Variants in SEC24D observed in about 807,000 individuals in gnomAD.
SEC24D encodes the protein SEC24 homolog D, COPII component, also known as protein transport protein Sec24D.
A neutral mutation model predicts 116.9 loss-of-function variants in SEC24D; 69 were observed. The ratio of observed to expected loss-of-function variants is 0.59; its 90% CI spans 0.49 to 0.72. SEC24D has a LOEUF of 0.72. Among genes scored for constraint, SEC24D ranks in the 30% least tolerant of loss-of-function variants. The pLI, the probability that SEC24D is intolerant of heterozygous loss-of-function variation, is 0.00. For synonymous variants in SEC24D, 405 were observed against 442.8 expected, an observed-to-expected ratio of 0.91 and a Z score of 1.07; for missense variants, 1,131 against 1,264.1, an observed-to-expected ratio of 0.89 and a Z score of 1.60.
Position 118,757,780 on chromosome 4 carries a change from C to A in SEC24D, c.1362G>T (p.Lys454Asn), listed in dbSNP as rs2110463093. 2.5e-6 allele frequency: 4 copies of A among 1,612,168 alleles called. No individual in the cohort carries two copies. The highest frequency in any genetic ancestry group is 3.4e-6 in the Non-Finnish European group (4 of 1,179,100). Reference protein sequence around the residue: ...FMIDVSYSNIKNGLVKLICEE... With the variant: ...FMIDVSYSNINNGLVKLICEE... ...CACATATGAGCTTGACAAGTCCATT[C>A]TTTATGTTACTATATGAAACATCAA... The change falls in exon 11 of 23, where the codon AAG becomes AAT. Residue 454 changes from lysine (K) to asparagine (N), a missense_variant. Physicochemically the swap from Lys to Asn is moderately conservative, Grantham distance 94. Coordinates refer to ENST00000280551, the MANE Select transcript of SEC24D (RefSeq NM_014822.4).
At chr4:118,781,279 C>A (rs141494388) in intron 8 of SEC24D, among the ~76,000 whole-genome samples, 2 of 152,016 alleles carry the variant, frequency 1.3e-5, no homozygotes, top group Non-Finnish European at 2.9e-5. Flanking sequence ...TTAGGGCAGG[C>A]CTGGTGGTGA....
chr4:118,810,614 T>C (rs575777564), intron 6 of SEC24D, among the ~76,000 whole-genome samples: 22 of 152,238 alleles, frequency 1.4e-4, no homozygotes, highest in Non-Finnish European at 2.8e-4. Flanking sequence ...GAAGAGCTTG[T>C]TGAAACACAG....
chr4:118,796,466 C>T (rs1480825660), intron 8 of SEC24D, among the ~76,000 whole-genome samples: 1 of 152,210 alleles, frequency 6.6e-6, no homozygotes, highest in Non-Finnish European at 1.5e-5. Context: ...AGTTTGGCTT[C>T]TAACAACAGT....
At chr4:118,809,527 G>A (rs1184456601) in intron 6 of SEC24D, among the ~76,000 whole-genome samples, 2 of 152,030 alleles carry the variant, frequency 1.3e-5, no homozygotes, top group Admixed American at 6.6e-5. Context: ...ATACAAACAG[G>A]CTCCATCTGA....
At chr4:118,761,409 A>AT (rs1360694944) in intron 10 of SEC24D, among the ~76,000 whole-genome samples, 2 of 152,222 alleles carry the variant, frequency 1.3e-5, no homozygotes, top group African/African-American at 4.8e-5. Context: ...ACAAACATGT[A>AT]TAAAAACCTA....
At chr4:118,831,147 A>G (rs1445451015) in intron 2 of SEC24D, among the ~76,000 whole-genome samples, 2 of 152,018 alleles carry the variant, frequency 1.3e-5, no homozygotes, top group Non-Finnish European at 2.9e-5. Context: ...TTAGCCTCCC[A>G]AATAGCTGAG....
At chr4:118,771,805 G>A (rs1449621358) in intron 8 of SEC24D, among the ~76,000 whole-genome samples, 1 of 152,024 alleles carries the variant, frequency 6.6e-6, no homozygotes, top group Non-Finnish European at 1.5e-5. Flanking sequence ...TCCGAGTATT[G>A]CTGCCATTCT....
chr4:118,764,978 A>G, intron 9 of SEC24D, 61 bp from the exon 10 acceptor site: 1 of 931,234 alleles, frequency 1.1e-6, no homozygotes, highest in Non-Finnish European at 1.7e-6. Flanking sequence ...CAATTTAGTA[A>G]GTTCTCAAAA....
At chr4:118,793,353 G>A (rs1729025274) in intron 8 of SEC24D, among the ~76,000 whole-genome samples, 1 of 150,108 alleles carries the variant, frequency 6.7e-6, no homozygotes, top group African/African-American at 2.4e-5. Context: ...TGTAGTCCCA[G>A]CTACTTGGGA....
intron 11 of SEC24D, among the ~76,000 whole-genome samples, chr4:118,755,105 T>G (rs1466937316): frequency 6.6e-6 from 1 of 152,144 alleles, no homozygotes; most frequent in East Asian, 1.9e-4. Context: ...TGCAAAATAT[T>G]AGTACTGGTC....
At chr4:118,724,296 ACTC>A (rs1435760765) in intron 22 of SEC24D, among the ~76,000 whole-genome samples, 4 of 151,656 alleles carry the variant, frequency 2.6e-5, no homozygotes, top group Admixed American at 6.6e-5. Context: ...AACAGGGAGA[ACTC>A]CTGTCCTTTG....
intron 21 of SEC24D, chr4:118,728,855 G>C: frequency 2.1e-6 from 1 of 472,054 alleles, no homozygotes; most frequent in Non-Finnish European, 3.8e-6. Context: ...AATTATTTCT[G>C]TCTTTTGGAA....
rs1268858437 is a variant in SEC24D at position 118,815,120 on chromosome 4, A to G, written c.709T>C (p.Ser237Pro). The change falls in exon 6 of 23, where the codon TCT becomes CCT. Residue 237 changes from serine to proline, a missense_variant. Transcript: ENST00000280551. The stretch of plus-strand genomic sequence containing the variant: ...CCTCCAGGGAAGCCTCCTGGGTAAG[A>G]CAGTTGTGCGCCTGCCATCTGGGGA... ...SGPQMAGAQL[S>P]YPGGFPGGPA... 3 of 1,614,164 alleles carry G rather than the reference A, an allele frequency of 1.9e-6. No homozygotes were observed. The highest frequency in any genetic ancestry group is 2.5e-6 in the Non-Finnish European group (3 of 1,180,004).
chr4:118,761,872 T>G (rs1727395186), intron 10 of SEC24D, among the ~76,000 whole-genome samples: 1 of 152,216 alleles, frequency 6.6e-6, no homozygotes, highest in South Asian at 2.1e-4. Context: ...CCTGTTTTCT[T>G]ACGGCACTAT....
intron 13 of SEC24D, among the ~76,000 whole-genome samples, chr4:118,748,135 A>G (rs564676210): frequency 1.1e-3 from 165 of 152,196 alleles, no homozygotes; most frequent in African/African-American, 3.4e-3. Context: ...GCGTGGTGGC[A>G]CACATCTATA....
chr4:118,757,007 G>A (rs1727129962), intron 11 of SEC24D, among the ~76,000 whole-genome samples: 1 of 151,922 alleles, frequency 6.6e-6, no homozygotes, highest in African/African-American at 2.4e-5. Flanking sequence ...ATTTGTTTTG[G>A]GCTGTGTATG....
chr4:118,776,622 T>C (rs1413571513), intron 8 of SEC24D, among the ~76,000 whole-genome samples: 1 of 152,210 alleles, frequency 6.6e-6, no homozygotes, highest in Non-Finnish European at 1.5e-5. Flanking sequence ...AGATCAGCAT[T>C]ATTTTTCTTG....
chr4:118,816,718 T>C (rs1730165470), intron 4 of SEC24D: 1 of 427,354 alleles, frequency 2.3e-6, no homozygotes, highest in Non-Finnish European at 4.6e-6. Flanking sequence ...TGTGCTGTCA[T>C]TACAGTGGAG....
chr4:118,750,975 T>C (rs952940944), intron 13 of SEC24D, among the ~76,000 whole-genome samples: 1 of 152,068 alleles, frequency 6.6e-6, no homozygotes, highest in African/African-American at 2.4e-5. Flanking sequence ...GATATAAAAT[T>C]ATGTGGGAAG....
Sources: allele counts gnomAD v4.1 joint callset (sites outside exome capture counted in the v4.1 genomes callset), GRCh38; gene constraint gnomAD v4.1.1; transcripts MANE v1.5; gene names NCBI Gene and HGNC (gene_info 2026-07-23, HGNC 2026-07-21).